CAPG: variants seen among roughly 807,000 people sequenced by gnomAD.
CAPG encodes macrophage-capping protein.
In CAPG, 32 loss-of-function variants were observed where a neutral mutation model predicts 44.6. The ratio of observed to expected loss-of-function variants is 0.72; its 90% CI spans 0.54 to 0.96. The LOEUF is 0.96. Among genes scored for constraint, CAPG ranks in the 50% least tolerant of loss-of-function variants. The pLI is 0.00. For synonymous variants in CAPG, 175 were observed against 179.6 expected (o/e 0.97, Z 0.20); for missense variants, 412 against 438.3 (o/e 0.94, Z 0.54).
chr2:85,395,440 G>C lies in CAPG; in HGVS notation c.981+98C>G. ...GAGGGAGGCCTGGTTGTTCCTGACA[G>C]TGCCCAAGGCTCTCCTGCCCTTCCT... On this transcript the variant is annotated intron_variant, in intron 9 of 9. Transcript: ENST00000263867. The surrounding 1 kb of genome is among the most constrained non-coding windows in gnomAD (Gnocchi z 4.3). The C allele has an allele frequency of 1.1e-6, 1 of 899,476 alleles. No individual in the cohort carries two copies. Among genetic ancestry groups the C allele is most frequent in the Non-Finnish European group, 1.8e-6 (1 of 557,884 alleles). The allele number at this position is 899,476 out of a possible 1,614,324, so 55.7% of individuals were successfully genotyped here. A position where few individuals can be genotyped will look rare whatever the true frequency, so the allele number is the denominator to read the frequency against.
intron 1 of CAPG, among the ~76,000 whole-genome samples, chr2:85,404,867 T>TA (rs1349663185): frequency 6.7e-6 from 1 of 150,070 alleles, no homozygotes; most frequent in African/African-American, 2.5e-5. Context: ...GCCCAGGAGA[T>TA]AGAGGCTGCA....
At chr2:85,417,874 C>A (rs1174307737) in intron 1 of CAPG, among the ~76,000 whole-genome samples, 1 of 152,284 alleles carries the variant, frequency 6.6e-6, no homozygotes, top group Admixed American at 6.5e-5. Context: ...ACACCTCACT[C>A]ATAACCTGGA....
At chr2:85,412,642 C>T (rs1417829498), upstream of CAPG, among the ~76,000 whole-genome samples, 1 of 152,018 alleles carries the variant, frequency 6.6e-6, no homozygotes, top group Non-Finnish European at 1.5e-5. Flanking sequence ...TACAACAAAG[C>T]CCCATGACAC....
intron 5 of CAPG, 126 bp from the exon 6 acceptor site, chr2:85,399,411 G>T (rs889802134): frequency 4.1e-6 from 4 of 987,006 alleles, no homozygotes; most frequent in African/African-American, 3.2e-5. Flanking sequence ...CAACCAGGAA[G>T]GCAGAGCACA....
At chr2:85,417,793 C>T (rs1311074205) in intron 1 of CAPG, among the ~76,000 whole-genome samples, 1 of 152,084 alleles carries the variant, frequency 6.6e-6, no homozygotes, top group African/African-American at 2.4e-5. Context: ...CATACCCTCC[C>T]TTTTGAGGTG....
chr2:85,399,006 C>G, intron 6 of CAPG, 130 bp downstream of exon 6: 1 of 1,083,194 alleles, frequency 9.2e-7, no homozygotes, highest in Middle Eastern at 3.1e-4. Context: ...GAGCTGGCCA[C>G]AGCCCTAGGC....
intron 1 of CAPG, among the ~76,000 whole-genome samples, chr2:85,404,334 T>C (rs1687047475): frequency 6.7e-6 from 1 of 149,548 alleles, no homozygotes; most frequent in Non-Finnish European, 1.5e-5. Context: ...TTAACAAACA[T>C]GTATGTGTAA....
At chr2:85,396,437 G>A (rs564178530) in intron 8 of CAPG, among the ~76,000 whole-genome samples, 6 of 152,120 alleles carry the variant, frequency 3.9e-5, no homozygotes, top group South Asian at 2.1e-4. Flanking sequence ...AAATGATACC[G>A]AAACGATGCC....
In CAPG at chr2:85,401,577, A is replaced by G; in HGVS notation, c.303T>C (p.Asn101=). The change falls in exon 4 of 10, where the codon AAT becomes AAC. Residue 101 remains asparagine, a synonymous_variant. Transcript: ENST00000263867. ...AGTAGCTCATGAAGAGGTCAGACTC[A>G]TTGCCCTGCACCTCGCGGTGCTGCA... ...RPVQHREVQG[N]ESDLFMSYFP... The G allele has an allele frequency of 1.9e-6, 3 of 1,614,140 alleles. No individual in the cohort carries two copies. The highest frequency in any genetic ancestry group is 2.5e-6 in the Non-Finnish European group (3 of 1,180,014).
chr2:85,401,713 G>A (rs770355071), intron 3 of CAPG, 30 bp from the exon 4 acceptor site: 1 of 1,613,934 alleles, frequency 6.2e-7, no homozygotes, highest in South Asian at 1.1e-5. Context: ...GCAGGGCAAG[G>A]CCCTTGTGAT....
intron 1 of CAPG, among the ~76,000 whole-genome samples, chr2:85,408,296 G>A (rs1687261937): frequency 6.7e-6 from 1 of 148,758 alleles, no homozygotes; most frequent in Non-Finnish European, 1.5e-5. Flanking sequence ...GAGCCGAGAT[G>A]GCACTACTGC....
Position 85,401,840 on chromosome 2 carries a change from G to A in CAPG, c.141C>T (p.Ser47=), listed in dbSNP as rs770680588. The part of the protein sequence containing the change: ...ENQGVFFSGD[S]YLVLHNGPEE... ...CTGGGCCATTGTGCAGCACTAGGTA[G>A]GAGTCCCCCGAGAAGAAGACGCCCT... is the stretch of plus-strand genomic sequence containing the variant. The change falls in exon 3 of 10, where the codon TCC becomes TCT. Residue 47 remains serine (S), a synonymous_variant. Coordinates refer to ENST00000263867, the MANE Select transcript of CAPG (RefSeq NM_001747.4). 2 of 1,614,020 alleles carry A rather than the reference G, an allele frequency of 1.2e-6. No homozygotes were observed. Among genetic ancestry groups the A allele is most frequent in the Non-Finnish European group, 1.7e-6 (2 of 1,180,006 alleles).
chr2:85,394,242 G>A (rs567250071), downstream of CAPG, among the ~76,000 whole-genome samples: 28 of 152,382 alleles, frequency 1.8e-4, no homozygotes, highest in Admixed American at 3.3e-4. Flanking sequence ...CACAGAGGCA[G>A]GGTAAGAACC....
chr2:85,402,622 C>CA (rs1382135721), intron 1 of CAPG, among the ~76,000 whole-genome samples: 1 of 152,038 alleles, frequency 6.6e-6, no homozygotes, highest in Non-Finnish European at 1.5e-5. Flanking sequence ...AACACCATCA[C>CA]ACCTGGCTAA....
Position 85,399,229 on chromosome 2 carries a change from C to T in CAPG, c.573G>A (p.Arg191=). Residue 191 remains arginine, a synonymous_variant, in exon 6 of 10, where the codon AGG becomes AGA. Transcript: ENST00000263867. ...TGTCCCGGATGGCCAGGGCCAGGTC[C>T]CTCGCCTTGTTGCGTTCCAGGATGT... is the stretch of plus-strand genomic sequence containing the variant. ...KSNILERNKA[R]DLALAIRDSE... 1 of 1,614,252 alleles carries T rather than the reference C, an allele frequency of 6.2e-7. No individual in the cohort carries two copies. The highest frequency in any genetic ancestry group is 1.1e-5 in the South Asian group (1 of 91,090).
At chr2:85,402,220 G>T in intron 1 of CAPG, 62 bp from the exon 2 acceptor site, 1 of 1,381,542 alleles carries the variant, frequency 7.2e-7, no homozygotes, top group Non-Finnish European at 1.0e-6. Flanking sequence ...CTCACGTGGG[G>T]CTGGAGAGGC....
At chr2:85,416,069 A>T (rs1687545204) in intron 1 of CAPG, among the ~76,000 whole-genome samples, 1 of 152,150 alleles carries the variant, frequency 6.6e-6, no homozygotes, top group South Asian at 2.1e-4. Context: ...TACCATCACC[A>T]TTATTAATAA....
chr2:85,401,656 C>T lies in CAPG; in HGVS notation c.224G>A (p.Gly75Glu). The T allele has an allele frequency of 6.2e-7, 1 of 1,614,214 alleles. No homozygotes were observed. ...IGQQSSRDEQGACAVLAVHLN... is the reference protein window; with the variant it reads ...IGQQSSRDEQEACAVLAVHLN... ...GTGCACAGCCAGCACGGCACAGGCC[C>T]CCTGCTCATCCCGGGATGACTGCTG... The change falls in exon 4 of 10, where the codon GGG (glycine) becomes GAG (glutamate). Residue 75 changes from glycine to glutamate, a missense_variant. By Grantham distance (98) the Gly-to-Glu change is moderately conservative. Coordinates refer to ENST00000263867, the MANE Select transcript of CAPG (RefSeq NM_001747.4).
chr2:85,392,948 C>T (rs974660098), downstream of CAPG, among the ~76,000 whole-genome samples: 7 of 152,032 alleles, frequency 4.6e-5, no homozygotes, highest in Admixed American at 6.6e-5. Flanking sequence ...GGAACATTAG[C>T]AATAATGTAG....
Sources: gnomAD v4.1 joint callset for allele counts (sites outside exome capture counted in the v4.1 genomes callset) on GRCh38, gnomAD v4.1.1 for gene constraint, Gnocchi (gnomAD v3.1) non-coding constraint, MANE v1.5 for transcripts, NCBI Gene and HGNC (gene_info 2026-07-23, HGNC 2026-07-21) for gene names.